CCM2: variants seen among roughly 807,000 people sequenced by gnomAD.
CCM2 encodes the protein CCM2 scaffold protein, also known as cerebral cavernous malformations 2 protein.
A neutral mutation model predicts 44.9 loss-of-function variants in CCM2; 25 were observed. That is an observed-to-expected ratio of 0.56 (90% CI 0.41 to 0.78). The LOEUF (loss-of-function observed/expected upper bound fraction) is 0.78. CCM2 is among the 30% of genes least tolerant of loss of function. The pLI is 0.00. For synonymous variants in CCM2, 219 were observed against 241.1 expected, an observed-to-expected ratio of 0.91 and a Z score of 0.85; for missense variants, 481 against 580.6, an observed-to-expected ratio of 0.83 and a Z score of 1.76.
Position 45,076,313 on chromosome 7 carries a change from C to G in CCM2, c.*256C>G, listed in dbSNP as rs916303216. The G allele has an allele frequency of 1.4e-4, 92 of 662,262 alleles. No individual in the cohort carries two copies. The highest frequency in any genetic ancestry group is 2.2e-4 in the Non-Finnish European group (80 of 362,040). 41.0% of individuals were successfully genotyped at this position (662,262 alleles called of 1,614,324 possible). ...CCAAGCCCTGCAGTGTGTCCCCGCT[C>G]GGGGAGGGCCCGGCCGAGCGGGCAG... On this transcript the variant is annotated 3_prime_UTR_variant, in exon 10 of 10. Coordinates refer to ENST00000258781, the MANE Select transcript of CCM2 (RefSeq NM_031443.4).
intron 6 of CCM2, 25 bp downstream of exon 6, chr7:45,069,986 G>A (rs371487308): frequency 2.0e-5 from 32 of 1,612,258 alleles, no homozygotes; most frequent in South Asian, 6.6e-5. Context: ...AGTGGGCAGC[G>A]GGTGGGAGCA....
intron 1 of CCM2, among the ~76,000 whole-genome samples, chr7:45,015,503 G>C (rs13437684): frequency 0.075 from 11,454 of 152,224 alleles, 976 homozygotes; most frequent in African/African-American, 0.21. Context: ...TGAAAGGGAG[G>C]GGGAGGTGAG....
At chr7:45,018,449 T>G (rs1435351462) in intron 1 of CCM2, among the ~76,000 whole-genome samples, 1 of 151,800 alleles carries the variant, frequency 6.6e-6, no homozygotes, top group Admixed American at 6.6e-5. Context: ...CTCCACCTCC[T>G]GGGTTCAAGT....
chr7:45,051,401 A>G (rs978755221), intron 2 of CCM2, among the ~76,000 whole-genome samples: 2 of 151,794 alleles, frequency 1.3e-5, no homozygotes, highest in African/African-American at 4.8e-5. Flanking sequence ...TTATTTATTT[A>G]TTTATTTATT....
At chr7:45,070,054 G>A in intron 6 of CCM2, 93 bp downstream of exon 6, 5 of 1,500,532 alleles carry the variant, frequency 3.3e-6, no homozygotes, top group South Asian at 1.1e-5. Context: ...TCCTGGAATA[G>A]CGCAGTTACT....
At chr7:45,051,314 G>A (rs578231746) in intron 2 of CCM2, among the ~76,000 whole-genome samples, 3 of 152,104 alleles carry the variant, frequency 2.0e-5, no homozygotes, top group Non-Finnish European at 4.4e-5. Flanking sequence ...AGAAGAGGGG[G>A]CATCCTTTCA....
In CCM2 at chr7:45,076,157, C is replaced by T. The variant is rs1198587589; in HGVS notation, c.*100C>T. ...CTGCGTGTCAGCCCTTGGTGGTGGC[C>T]AGGGAGAGGCGCCCGGTGCAGATGG... On this transcript the variant is annotated 3_prime_UTR_variant, in exon 10 of 10. Transcript: ENST00000258781. 4 of 1,545,576 alleles carry T rather than the reference C, an allele frequency of 2.6e-6. No homozygotes were observed. In the East Asian group the frequency reaches 9.3e-5, roughly 36 times the overall value.
rs747256904 is a variant in CCM2 at position 45,038,360 on chromosome 7, G to A, written c.138G>A (p.Val46=). Residue 46 remains valine (V), a synonymous_variant, in exon 2 of 10, where the codon GTG becomes GTA. Transcript: ENST00000258781. ...AGAGGCGCCCTCTGCACACTGTGGT[G>A]TTGTCATTGCCTGAGCGCGTCGAGC... ...VTERRPLHTV[V]LSLPERVEPD... is the part of the protein sequence containing the mutation. 2 of 1,614,196 alleles carry A rather than the reference G, an allele frequency of 1.2e-6. No homozygotes were observed. The highest frequency in any genetic ancestry group is 1.1e-5 in the South Asian group (1 of 91,090).
chr7:45,016,789 C>T (rs12702115), intron 1 of CCM2, among the ~76,000 whole-genome samples: 4,305 of 152,044 alleles, frequency 0.028, 105 homozygotes, highest in South Asian at 0.14. Flanking sequence ...CCTACCACCA[C>T]GCCTGGCTAA....
In CCM2 at chr7:45,061,831, A is replaced by G. The variant is rs139351700; in HGVS notation, c.205-2087A>G. ...TATTCTTCCCTCCTCCTACCAGAGT[A>G]TGAGGAGATGTTTCTCCAGTCTCAC... On this transcript the variant is annotated intron_variant, in intron 2 of 9. Transcript: ENST00000258781. 2.2e-3 allele frequency among the ~76,000 whole-genome samples: 341 copies of G among 152,242 alleles called. 1 individual carries two copies. The highest frequency in any genetic ancestry group is 3.5e-3 in the Non-Finnish European group (241 of 68,016).
chr7:45,075,996 T>C lies in CCM2; in HGVS notation c.1274T>C (p.Ile425Thr). ...PSEGDEWDRMISDISSDIEAL... is the reference protein window; with the variant it reads ...PSEGDEWDRMTSDISSDIEAL... ...GAGGGGGATGAGTGGGACCGCATGA[T>C]CTCGGACATCAGCAGCGACATTGAG... Residue 425 changes from isoleucine to threonine, a missense_variant, in exon 10 of 10, where the codon ATC becomes ACC. Transcript: ENST00000258781. The C allele has an allele frequency of 6.2e-7, 1 of 1,612,944 alleles. No individual in the cohort carries two copies.
At chr7:45,024,570 T>C (rs1246340022) in intron 1 of CCM2, among the ~76,000 whole-genome samples, 10 of 152,170 alleles carry the variant, frequency 6.6e-5, no homozygotes, top group African/African-American at 2.4e-4. Flanking sequence ...CTCTAGTATG[T>C]TTTTCAAAAG....
In CCM2 at chr7:45,064,012, C is replaced by T. The variant is rs1216710853; in HGVS notation, c.288+11C>T. The T allele has an allele frequency of 2.5e-6, 4 of 1,590,014 alleles. No homozygotes were observed. Among genetic ancestry groups the T allele is most frequent in the South Asian group, 1.1e-5 (1 of 90,578 alleles). ...ATAGACAATGCAAAGGTAACCCTAT[C>T]CTCTTAACCCTGTGCACTAGCCCTC... is the stretch of plus-strand genomic sequence containing the variant. On this transcript the variant is annotated intron_variant, in intron 3 of 9. Coordinates refer to ENST00000258781, the MANE Select transcript of CCM2 (RefSeq NM_031443.4).
rs528644015 is a variant in CCM2, at chr7:45,016,838, G to C, written c.30+16475G>C. On this transcript the variant is annotated intron_variant, in intron 1 of 9. Coordinates refer to ENST00000258781, the MANE Select transcript of CCM2 (RefSeq NM_031443.4). ...GGTAGAGACAGGGTTTCACCATGTT[G>C]ACCAGGCTGATCTCTAACTCCTGGC... 4.3e-4 allele frequency among the ~76,000 whole-genome samples: 66 copies of C among 152,262 alleles called. 1 individual carries two copies. The South Asian group carries it at 0.012, about 29-fold the overall frequency.
chr7:45,038,475 T>A (rs1399130043), intron 2 of CCM2, 49 bp downstream of exon 2: 1 of 1,591,106 alleles, frequency 6.3e-7, no homozygotes, highest in Admixed American at 1.7e-5. Flanking sequence ...ACAGTGACGG[T>A]CATGCTTGTA....
intron 1 of CCM2, among the ~76,000 whole-genome samples, chr7:45,003,516 T>TG (rs1795728152): frequency 6.6e-6 from 1 of 152,008 alleles, no homozygotes; most frequent in Non-Finnish European, 1.5e-5. Context: ...GCGGATCACT[T>TG]GACACCAGGA....
intron 1 of CCM2, among the ~76,000 whole-genome samples, chr7:45,020,650 T>C (rs1351257886): frequency 6.6e-6 from 1 of 152,234 alleles, no homozygotes; most frequent in Admixed American, 6.5e-5. Flanking sequence ...TTGTTTTGTA[T>C]GGTAGAACCA....
intron 1 of CCM2, among the ~76,000 whole-genome samples, chr7:45,005,688 A>T (rs1016952144): frequency 3.9e-5 from 6 of 152,250 alleles, no homozygotes; most frequent in Non-Finnish European, 7.3e-5. Flanking sequence ...CTTGCCTATT[A>T]TGTGCTTAGC....
intron 1 of CCM2, among the ~76,000 whole-genome samples, chr7:45,016,116 C>T (rs905217780): frequency 6.6e-6 from 1 of 152,144 alleles, no homozygotes; most frequent in African/African-American, 2.4e-5. Flanking sequence ...GAGTTGCAAC[C>T]TGTAGGCTGG....
Sources: allele counts gnomAD v4.1 joint callset (sites outside exome capture counted in the v4.1 genomes callset), GRCh38; gene constraint gnomAD v4.1.1; transcripts MANE v1.5; gene names NCBI Gene and HGNC (gene_info 2026-07-23, HGNC 2026-07-21).